The following SEMA3A variants were observed in gnomAD, a reference collection of about 807,000 sequenced individuals.
SEMA3A encodes the protein semaphorin 3A.
A neutral mutation model predicts 97.9 loss-of-function variants in SEMA3A; 29 were observed. The observed-to-expected ratio is 0.30, with a 90% CI of 0.22 to 0.40. SEMA3A has a LOEUF of 0.40. Ranked by LOEUF, SEMA3A falls within the 10% of genes least tolerant of loss-of-function variation. The pLI is 1.00. For missense variants in SEMA3A, 763 were observed against 951.3 expected (o/e 0.80, Z 2.60); for synonymous variants, 321 against 323.7 (o/e 0.99, Z 0.09).
At chr7:84,011,000 A>C in intron 9 of SEMA3A, 22 bp downstream of exon 9, 1 of 1,540,184 alleles carries the variant, frequency 6.5e-7, no homozygotes, top group African/African-American at 1.4e-5. Flanking sequence ...AGTTTCTATA[A>C]GGTAGTTAAA....
chr7:84,169,245 G>A (rs1797310287), intron 1 of SEMA3A, among the ~76,000 whole-genome samples: 2 of 151,124 alleles, frequency 1.3e-5, no homozygotes, highest in Admixed American at 1.3e-4. Flanking sequence ...ATGATCAAAT[G>A]TTTTAAAAAC....
intron 3 of SEMA3A, among the ~76,000 whole-genome samples, chr7:84,213,609 A>G (rs1306743555): frequency 2.0e-5 from 3 of 152,026 alleles, no homozygotes; most frequent in Admixed American, 2.0e-4. Flanking sequence ...TGAAGCTCCT[A>G]TTTCCCTCCC....
chr7:83,997,269 C>G (rs1008836249), intron 12 of SEMA3A, among the ~76,000 whole-genome samples: 2 of 152,130 alleles, frequency 1.3e-5, no homozygotes, highest in African/African-American at 2.4e-5. Flanking sequence ...CAAACTATCC[C>G]TGACCTTTTT....
chr7:84,325,117 C>CTCTATCTATCTATCTA (rs60907885), intron 2 of SEMA3A, among the ~76,000 whole-genome samples: 3 of 149,052 alleles, frequency 2.0e-5, no homozygotes, highest in Non-Finnish European at 3.0e-5. Context: ...ATGTATATAT[C>CTCTATCTATCTATCTA]TCTATCTATC....
intron 5 of SEMA3A, among the ~76,000 whole-genome samples, chr7:84,056,481 G>A (rs370451185): frequency 1.4e-3 from 216 of 152,092 alleles, no homozygotes; most frequent in African/African-American, 5.0e-3. Context: ...ACATGGATGT[G>A]AGCAAAATAT....
chr7:84,465,156 T>C (rs377252106), intron 1 of SEMA3A, among the ~76,000 whole-genome samples: 4 of 152,320 alleles, frequency 2.6e-5, no homozygotes, highest in Non-Finnish European at 5.9e-5. Context: ...TAAATTTTTC[T>C]AGTATCAGTT....
At chr7:84,471,927 T>G (rs533117597) in intron 1 of SEMA3A, among the ~76,000 whole-genome samples, 1 of 144,922 alleles carries the variant, frequency 6.9e-6, no homozygotes, top group South Asian at 2.2e-4. Flanking sequence ...GACTTTCAGG[T>G]TTTTTTTTTT....
chr7:84,248,332 C>T (rs543990962), intron 3 of SEMA3A, among the ~76,000 whole-genome samples: 29 of 152,228 alleles, frequency 1.9e-4, no homozygotes, highest in African/African-American at 7.0e-4. Flanking sequence ...AAATTCTTGA[C>T]CATGCCACTC....
intron 4 of SEMA3A, among the ~76,000 whole-genome samples, chr7:84,076,850 C>G (rs1485252757): frequency 6.6e-6 from 1 of 152,018 alleles, no homozygotes; most frequent in African/African-American, 2.4e-5. Context: ...ATTTAAGGGA[C>G]CTGAATTTAC....
intron 2 of SEMA3A, among the ~76,000 whole-genome samples, chr7:84,134,274 T>C (rs1796056137): frequency 6.6e-6 from 1 of 152,176 alleles, no homozygotes. Flanking sequence ...TGATACCCTT[T>C]GTAACTATTG....
At chr7:84,240,339 T>G (rs1799328443) in intron 3 of SEMA3A, among the ~76,000 whole-genome samples, 1 of 151,258 alleles carries the variant, frequency 6.6e-6, no homozygotes. Context: ...ATGATTAAGT[T>G]AACGATCTTG....
At chr7:84,145,731 T>G (rs1313306559) in intron 1 of SEMA3A, among the ~76,000 whole-genome samples, 2 of 152,184 alleles carry the variant, frequency 1.3e-5, no homozygotes, top group African/African-American at 4.8e-5. Context: ...CAAAATCTAC[T>G]GAAACAGTGA....
intron 1 of SEMA3A, among the ~76,000 whole-genome samples, chr7:84,450,924 T>C (rs908664326): frequency 5.3e-5 from 8 of 152,156 alleles, no homozygotes; most frequent in South Asian, 4.1e-4. Context: ...AGCAAATATA[T>C]AGTCTGCCAA....
At chr7:84,451,584 T>C (rs1339862926) in intron 1 of SEMA3A, among the ~76,000 whole-genome samples, 1 of 152,202 alleles carries the variant, frequency 6.6e-6, no homozygotes, top group African/African-American at 2.4e-5. Context: ...AGCATGAATA[T>C]TCAGTGGAGA....
intron 1 of SEMA3A, among the ~76,000 whole-genome samples, chr7:84,431,844 G>A (rs187770699): frequency 6.6e-6 from 1 of 151,706 alleles, no homozygotes; most frequent in Admixed American, 6.6e-5. Context: ...AGTAGTAGAG[G>A]ACTATATGTA....
intron 1 of SEMA3A, among the ~76,000 whole-genome samples, chr7:84,193,143 A>C (rs1318144577): frequency 6.6e-6 from 1 of 151,978 alleles, no homozygotes. Flanking sequence ...AAAACATTAC[A>C]CCAAAAAGTA....
At chr7:84,339,397 G>T (rs1436690824) in intron 2 of SEMA3A, among the ~76,000 whole-genome samples, 2 of 152,088 alleles carry the variant, frequency 1.3e-5, no homozygotes, top group Non-Finnish European at 2.9e-5. Flanking sequence ...TGTAATCTGT[G>T]TATCTGCCTT....
intron 1 of SEMA3A, among the ~76,000 whole-genome samples, chr7:84,450,093 T>A (rs1484660561): frequency 5.9e-5 from 9 of 152,244 alleles, no homozygotes; most frequent in Middle Eastern, 3.4e-3. Flanking sequence ...TTTGGATAAA[T>A]ATCCAAAAGT....
chr7:84,154,599 C>T (rs1234020315), intron 1 of SEMA3A, among the ~76,000 whole-genome samples: 3 of 150,858 alleles, frequency 2.0e-5, no homozygotes, highest in Admixed American at 6.6e-5. Flanking sequence ...TCGCTTGAAC[C>T]TGGGAGGTGG....
Sources: allele counts gnomAD v4.1 joint callset (sites outside exome capture counted in the v4.1 genomes callset), GRCh38; gene constraint gnomAD v4.1.1; transcripts MANE v1.5; gene names NCBI Gene and HGNC (gene_info 2026-07-23, HGNC 2026-07-21).